MALRD1: variants seen among roughly 807,000 people sequenced by gnomAD.
MALRD1 encodes the protein MAM and LDL receptor class A domain containing 1, also known as MAM and LDL-receptor class A domain-containing protein 1.
MALRD1 carries 247 observed loss-of-function variants against 242.1 expected under a neutral mutation model. The ratio of observed to expected loss-of-function variants is 1.02; its 90% CI spans 0.92 to 1.13. The LOEUF is 1.13. Among genes scored for constraint, MALRD1 ranks in the 50% most tolerant of loss-of-function variants. The pLI, the probability that MALRD1 is intolerant of heterozygous loss-of-function variation, is 0.00. For synonymous variants in MALRD1, 995 were observed against 866.6 expected (o/e 1.15, Z -2.60); for missense variants, 2,989 against 2,533.1 (o/e 1.18, Z -3.86).
At chr10:19,277,930 A>G (rs1840614104) in intron 19 of MALRD1, among the ~76,000 whole-genome samples, 1 of 152,172 alleles carries the variant, frequency 6.6e-6, no homozygotes, top group South Asian at 2.1e-4. Flanking sequence ...GAGGTTAACT[A>G]TTCTAACTAT....
At chr10:19,175,406 A>G (rs1042868060) in intron 14 of MALRD1, 78 bp downstream of exon 14, 81 of 1,091,718 alleles carry the variant, frequency 7.4e-5, no homozygotes, top group Non-Finnish European at 2.6e-5. Flanking sequence ...AAAATGTATT[A>G]GAGTCACGAA....
At chr10:19,076,712 T>C (rs1835330664) in intron 2 of MALRD1, among the ~76,000 whole-genome samples, 1 of 151,984 alleles carries the variant, frequency 6.6e-6, no homozygotes, top group South Asian at 2.1e-4. Context: ...TGAAAGGAAG[T>C]TACTAGGGAA....
intron 12 of MALRD1, among the ~76,000 whole-genome samples, chr10:19,165,265 A>ATATATATATATATATATATTTTTGTTTTG: frequency 7.7e-6 from 1 of 130,284 alleles, no homozygotes; most frequent in African/African-American, 3.2e-5. Context: ...ATATATATAT[A>ATATATATATATATATATATTTTTGTTTTG]TTTTGTTTTG....
At chr10:19,398,202 T>A (rs1350623307) in intron 28 of MALRD1, among the ~76,000 whole-genome samples, 1 of 152,140 alleles carries the variant, frequency 6.6e-6, no homozygotes, top group Non-Finnish European at 1.5e-5. Flanking sequence ...TTTTGTTGTC[T>A]GTGAATTTGA....
chr10:19,532,916 A>G (rs1374280032), intron 32 of MALRD1, among the ~76,000 whole-genome samples: 2 of 152,214 alleles, frequency 1.3e-5, no homozygotes, highest in Non-Finnish European at 2.9e-5. Context: ...TGCTTATGCT[A>G]AATTTTATCC....
intron 5 of MALRD1, among the ~76,000 whole-genome samples, chr10:19,114,400 G>A: frequency 6.6e-6 from 1 of 152,152 alleles, no homozygotes; most frequent in East Asian, 1.9e-4. Flanking sequence ...TGTTTAGGAG[G>A]CTGAGGTGGG....
At position 19,347,690 on chromosome 10, in the gene MALRD1, G is replaced by C. The variant is rs564117117; in HGVS notation, c.3902-81G>C. On this transcript the variant is annotated intron_variant, in intron 24 of 39. Coordinates refer to ENST00000454679, the MANE Select transcript of MALRD1 (RefSeq NM_001142308.3). ...TTTCAAATATTACATGATACAGCAA[G>C]ATCACTGCAGTTTTGAATTGCATGT... 28 of 1,434,360 alleles carry C rather than the reference G, an allele frequency of 2.0e-5. No homozygotes were observed. In the African/African-American group the frequency reaches 3.5e-4, roughly 18 times the overall value. The allele number at this position is 1,434,360 out of a possible 1,614,324, so 88.9% of individuals were successfully genotyped here. A position where few individuals can be genotyped will look rare whatever the true frequency, so the allele number is the denominator to read the frequency against.
chr10:19,318,888 T>C (rs928904591), intron 21 of MALRD1, among the ~76,000 whole-genome samples: 4 of 152,028 alleles, frequency 2.6e-5, no homozygotes, highest in Non-Finnish European at 5.9e-5. Context: ...GCAATAAATA[T>C]ATCAACATTT....
chr10:19,363,912 T>C (rs1451099729), intron 26 of MALRD1, among the ~76,000 whole-genome samples: 2 of 152,072 alleles, frequency 1.3e-5, no homozygotes, highest in African/African-American at 4.8e-5. Flanking sequence ...GATTCTAATA[T>C]GCAACCAGGG....
At chr10:19,296,131 G>A (rs138699240) in intron 21 of MALRD1, among the ~76,000 whole-genome samples, 1 of 152,192 alleles carries the variant, frequency 6.6e-6, no homozygotes, top group East Asian at 1.9e-4. Context: ...TTGGGAAACA[G>A]CCATCTATAC....
chr10:19,719,209 TATAC>T (rs1348319800), intron 38 of MALRD1, among the ~76,000 whole-genome samples: 3 of 37,074 alleles, frequency 8.1e-5, no homozygotes, highest in African/African-American at 5.4e-4. Context: ...TATATATATA[TATAC>T]ACATACATAC....
chr10:19,215,540 A>G (rs1020924817), intron 18 of MALRD1, among the ~76,000 whole-genome samples: 3 of 152,120 alleles, frequency 2.0e-5, no homozygotes, highest in Admixed American at 2.0e-4. Flanking sequence ...TGTCCCCCCA[A>G]ACTTCTTGTA....
At chr10:19,148,295 G>A (rs1833797095) in intron 11 of MALRD1, among the ~76,000 whole-genome samples, 1 of 152,114 alleles carries the variant, frequency 6.6e-6, no homozygotes, top group Admixed American at 6.5e-5. Flanking sequence ...AGCACGGGCT[G>A]CCCAGGGTTC....
chr10:19,693,329 T>C (rs1232955029), intron 38 of MALRD1, among the ~76,000 whole-genome samples: 1 of 151,944 alleles, frequency 6.6e-6, no homozygotes, highest in Non-Finnish European at 1.5e-5. Context: ...GAAAACCCCA[T>C]CGTCTCAGCC....
chr10:19,723,266 T>A (rs1214479786), intron 38 of MALRD1, among the ~76,000 whole-genome samples: 1 of 152,200 alleles, frequency 6.6e-6, no homozygotes, highest in Non-Finnish European at 1.5e-5. Flanking sequence ...TTAACATCAT[T>A]TGACAGCTGC....
intron 1 of MALRD1, among the ~76,000 whole-genome samples, chr10:19,060,312 A>T (rs769469182): frequency 4.7e-4 from 72 of 152,308 alleles, no homozygotes; most frequent in Middle Eastern, 6.8e-3. Flanking sequence ...TGAAGGCAGC[A>T]ACTTGTCTGC....
intron 19 of MALRD1, among the ~76,000 whole-genome samples, chr10:19,264,644 G>A (rs948012203): frequency 2.0e-5 from 3 of 151,958 alleles, no homozygotes; most frequent in South Asian, 2.1e-4. Context: ...TCGTAGATCC[G>A]GGGTTTCACT....
chr10:19,087,521 C>G (rs1346795573), intron 2 of MALRD1, among the ~76,000 whole-genome samples: 1 of 149,180 alleles, frequency 6.7e-6, no homozygotes, highest in African/African-American at 2.5e-5. Context: ...AGTGATCACT[C>G]TGAATCTAAC....
At chr10:19,306,661 A>C (rs4403698) in intron 21 of MALRD1, among the ~76,000 whole-genome samples, 5,079 of 151,104 alleles carry the variant, frequency 0.034, 160 homozygotes, top group African/African-American at 0.083. Context: ...GCTGCTGATA[A>C]AGACATACCC....
Sources: gnomAD v4.1 joint callset for allele counts (sites outside exome capture counted in the v4.1 genomes callset) on GRCh38, gnomAD v4.1.1 for gene constraint, MANE v1.5 for transcripts, NCBI Gene and HGNC (gene_info 2026-07-23, HGNC 2026-07-21) for gene names.